The following CPNE4 variants were observed in gnomAD, a reference collection of about 807,000 sequenced individuals.
The protein encoded by CPNE4 is copine 4, also known as copine-4.
In CPNE4, 25 loss-of-function variants were observed where a neutral mutation model predicts 67.9. That is an observed-to-expected ratio of 0.37 (90% CI 0.27 to 0.51). CPNE4 has a LOEUF of 0.51. Among genes scored for constraint, CPNE4 ranks in the 20% least tolerant of loss-of-function variants. The probability of loss-of-function intolerance (pLI) is 0.93; values close to 1 mark genes in which losing one functional copy is unlikely to be tolerated. For synonymous variants in CPNE4, 242 were observed against 244.9 expected (o/e 0.99, Z 0.11); for missense variants, 464 against 690.8 (o/e 0.67, Z 3.68).
intron 2 of CPNE4, among the ~76,000 whole-genome samples, chr3:131,828,418 A>G (rs2085247654): frequency 6.6e-6 from 1 of 152,336 alleles, no homozygotes; most frequent in Non-Finnish European, 1.5e-5. Context: ...GACTCCCATC[A>G]GTCAAAAAAT....
chr3:131,950,616 A>G (rs1353739981), intron 1 of CPNE4, among the ~76,000 whole-genome samples: 1 of 152,242 alleles, frequency 6.6e-6, no homozygotes, highest in Non-Finnish European at 1.5e-5. Context: ...TTTGAGGGTT[A>G]CAGATAAGTT....
At chr3:132,028,745 C>T (rs1470138545) in intron 1 of CPNE4, among the ~76,000 whole-genome samples, 1 of 151,934 alleles carries the variant, frequency 6.6e-6, no homozygotes, top group East Asian at 1.9e-4. Context: ...CACATAGGAG[C>T]ATTAAGCACT....
chr3:131,587,702 G>A, intron 7 of CPNE4, 120 bp from the exon 8 acceptor site: 1 of 705,628 alleles, frequency 1.4e-6, no homozygotes, highest in South Asian at 1.8e-5. Flanking sequence ...ACCAAAGCCT[G>A]GGAGTCTAAG....
intron 2 of CPNE4, among the ~76,000 whole-genome samples, chr3:131,802,266 G>A (rs961949144): frequency 2.0e-5 from 3 of 152,108 alleles, no homozygotes; most frequent in Non-Finnish European, 2.9e-5. Flanking sequence ...ACTGTTCTGC[G>A]GTTATACTAG....
intron 1 of CPNE4, among the ~76,000 whole-genome samples, chr3:131,989,549 A>C (rs1412290739): frequency 6.6e-6 from 1 of 152,190 alleles, no homozygotes; most frequent in Non-Finnish European, 1.5e-5. Context: ...GTATTCTACC[A>C]GGAAAACAGA....
At position 131,555,563 on chromosome 3, in the gene CPNE4, A is replaced by C. The variant is rs965318571; in HGVS notation, c.1062-12T>G. 6.2e-7 allele frequency: 1 copy of C among 1,611,372 alleles called. No individual in the cohort carries two copies. The highest frequency in any genetic ancestry group is 8.5e-7 in the Non-Finnish European group (1 of 1,178,500). On this transcript the variant is annotated splice_polypyrimidine_tract_variant and intron_variant, in intron 11 of 15. Transcript: ENST00000429747. The stretch of plus-strand genomic sequence containing the variant: ...GGAACATTTTGTCACTGAAACCAAA[A>C]TGAAGAAAAGAAAAAACAAGAAGTT...
intron 2 of CPNE4, among the ~76,000 whole-genome samples, chr3:131,836,066 A>G (rs1368675282): frequency 1.3e-5 from 2 of 152,214 alleles, no homozygotes; most frequent in Non-Finnish European, 2.9e-5. Flanking sequence ...TGAGAACTGA[A>G]TGAATTATGG....
At chr3:131,760,713 C>T (rs1395453103) in intron 2 of CPNE4, among the ~76,000 whole-genome samples, 1 of 152,190 alleles carries the variant, frequency 6.6e-6, no homozygotes, top group African/African-American at 2.4e-5. Flanking sequence ...CTCTCATTTG[C>T]ACTCCATGAG....
intron 1 of CPNE4, among the ~76,000 whole-genome samples, chr3:131,970,883 T>C (rs2072482367): frequency 6.6e-6 from 1 of 152,234 alleles, no homozygotes; most frequent in East Asian, 1.9e-4. Flanking sequence ...CATTTCCCAA[T>C]TATCTGTTGC....
At chr3:131,874,777 C>A (rs1017873516) in intron 2 of CPNE4, among the ~76,000 whole-genome samples, 6 of 152,132 alleles carry the variant, frequency 3.9e-5, no homozygotes, top group African/African-American at 1.4e-4. Context: ...TTTAAACATT[C>A]ACATCTGGAG....
intron 14 of CPNE4, among the ~76,000 whole-genome samples, chr3:131,543,946 G>GACTC (rs1935668837): frequency 6.6e-6 from 1 of 152,206 alleles, no homozygotes; most frequent in South Asian, 2.1e-4. Flanking sequence ...GCTGGAAGAT[G>GACTC]ACTCAGCAGA....
chr3:131,998,729 G>A (rs1249567977), intron 1 of CPNE4, among the ~76,000 whole-genome samples: 2 of 152,016 alleles, frequency 1.3e-5, no homozygotes, highest in Non-Finnish European at 2.9e-5. Flanking sequence ...GAAAAGATGG[G>A]TAAGGTTTTA....
intron 7 of CPNE4, among the ~76,000 whole-genome samples, chr3:131,669,405 C>T (rs1358764881): frequency 6.6e-6 from 1 of 151,726 alleles, no homozygotes; most frequent in Non-Finnish European, 1.5e-5. Flanking sequence ...CATTTATAAC[C>T]TGAATTTATT....
At chr3:131,633,985 A>G (rs1414273836) in intron 7 of CPNE4, among the ~76,000 whole-genome samples, 2 of 152,174 alleles carry the variant, frequency 1.3e-5, no homozygotes, top group African/African-American at 4.8e-5. Context: ...ATGAACATAT[A>G]TAATTATTTC....
At chr3:131,931,345 T>C (rs2071055020) in intron 1 of CPNE4, among the ~76,000 whole-genome samples, 1 of 152,084 alleles carries the variant, frequency 6.6e-6, no homozygotes, top group Admixed American at 6.6e-5. Flanking sequence ...ACAGCTGAGG[T>C]CTTCTCAGGA....
chr3:131,651,616 C>G (rs1233810362), intron 7 of CPNE4, among the ~76,000 whole-genome samples: 3 of 152,124 alleles, frequency 2.0e-5, no homozygotes, highest in Non-Finnish European at 4.4e-5. Context: ...TCAGGTTCTT[C>G]CCTCAAGAGG....
chr3:131,791,029 C>T (rs1173589323), intron 2 of CPNE4, among the ~76,000 whole-genome samples: 1 of 152,022 alleles, frequency 6.6e-6, no homozygotes, highest in Non-Finnish European at 1.5e-5. Flanking sequence ...CAACATTGAT[C>T]AAAACAATAA....
At position 131,994,054 on chromosome 3, in the gene CPNE4, A is replaced by G. The variant is rs79265927; in HGVS notation, c.-2+40513T>C. Among the ~76,000 whole-genome samples, 319 of 136,558 alleles carry G rather than the reference A, an allele frequency of 2.3e-3. 93 individuals are homozygous for G. The East Asian group carries it at 0.072, about 31-fold the overall frequency. The allele number at this position is 136,558 out of a possible 152,430, so 89.6% of individuals were successfully genotyped here. ...GAATGGAAAATTTGCATTTTGCAAAAGTACTATTTATAATGGCACCAGAAA... is the reference window on the plus strand; with the variant it reads ...GAATGGAAAATTTGCATTTTGCAAAGGTACTATTTATAATGGCACCAGAAA... On this transcript the variant is annotated intron_variant, in intron 1 of 15. Transcript: ENST00000429747.
At chr3:131,738,970 T>C (rs2082301370) in intron 2 of CPNE4, among the ~76,000 whole-genome samples, 1 of 151,560 alleles carries the variant, frequency 6.6e-6, no homozygotes, top group African/African-American at 2.4e-5. Context: ...TTCTCCTGCC[T>C]CAGCCTCCCA....
Sources: gnomAD v4.1 joint callset for allele counts (sites outside exome capture counted in the v4.1 genomes callset) on GRCh38, gnomAD v4.1.1 for gene constraint, MANE v1.5 for transcripts, NCBI Gene and HGNC (gene_info 2026-07-23, HGNC 2026-07-21) for gene names.